The following NPAS1 variants were observed in gnomAD, a reference collection of about 807,000 sequenced individuals.
NPAS1 encodes the protein neuronal PAS domain-containing protein 1.
Under a neutral mutation model 49.2 loss-of-function variants are expected in NPAS1, and 29 were observed. The ratio of observed to expected loss-of-function variants is 0.59; its 90% CI spans 0.44 to 0.80. The LOEUF is 0.80. Ranked by LOEUF, NPAS1 falls within the 30% of genes least tolerant of loss-of-function variation. NPAS1 has a pLI of 0.00. For missense variants in NPAS1, 825 were observed against 835.5 expected (o/e 0.99, Z 0.15); for synonymous variants, 408 against 380.4 (o/e 1.07, Z -0.84).
At chr19:47,032,771 C>A in intron 5 of NPAS1, 39 bp downstream of exon 5, 2 of 1,467,716 alleles carry the variant, frequency 1.4e-6, no homozygotes, top group Non-Finnish European at 1.9e-6. Flanking sequence ...GCTCAGCCAC[C>A]ATCTCCCTTG....
chr19:47,031,328 G>T (rs2056904101), intron 3 of NPAS1, among the ~76,000 whole-genome samples: 2 of 150,762 alleles, frequency 1.3e-5, no homozygotes, highest in African/African-American at 4.9e-5. Context: ...CTCCTAAATA[G>T]CTGGAATTAC....
At chr19:47,023,826 G>T (rs116040014) in intron 3 of NPAS1, among the ~76,000 whole-genome samples, 2,536 of 152,188 alleles carry the variant, frequency 0.017, 63 homozygotes, top group African/African-American at 0.058. Context: ...AAAAATATTG[G>T]CTGGGCACGG....
At position 47,021,538 on chromosome 19, in the gene NPAS1, C is replaced by T. The variant is rs2056841063; in HGVS notation, c.123-74C>T. On this transcript the variant is annotated intron_variant, in intron 2 of 11. Transcript: ENST00000602212. The surrounding 1 kb of genome is among the most constrained non-coding windows in gnomAD (Gnocchi z 5.7). Reference sequence around the variant, plus strand: ...GTCCCGTTCCCAAGGCCCCGGGAGGCGGGGCTCGCCCCCAGTTCCCAAGCC... The same window carrying T: ...GTCCCGTTCCCAAGGCCCCGGGAGGTGGGGCTCGCCCCCAGTTCCCAAGCC... 1.9e-6 allele frequency: 2 copies of T among 1,035,182 alleles called. No individual in the cohort carries two copies. Among genetic ancestry groups the T allele is most frequent in the Non-Finnish European group, 2.7e-6 (2 of 752,398 alleles). 64.1% of individuals were successfully genotyped at this position (1,035,182 alleles called of 1,614,324 possible).
At position 47,045,745 on chromosome 19, in the gene NPAS1, C is replaced by T. The variant is rs2057073147; in HGVS notation, c.*94C>T. On this transcript the variant is annotated 3_prime_UTR_variant, in exon 12 of 12. Coordinates refer to ENST00000602212, the MANE Select transcript of NPAS1 (RefSeq NM_002517.4). ...TGCCCGTAGCCCTGAGAATTAAACG[C>T]CGGCTCTCCCTGCAGTGGTTTGGGC... The T allele has an allele frequency of 8.7e-7, 1 of 1,151,090 alleles. No individual in the cohort carries two copies. Among genetic ancestry groups the T allele is most frequent in the African/African-American group, 1.6e-5 (1 of 60,884 alleles). 71.3% of individuals were successfully genotyped at this position (1,151,090 alleles called of 1,614,324 possible).
intron 1 of NPAS1, among the ~76,000 whole-genome samples, chr19:47,020,610 G>A (rs1240948801): frequency 6.6e-6 from 1 of 151,650 alleles, no homozygotes; most frequent in Non-Finnish European, 1.5e-5. Flanking sequence ...TCGGGGCAGA[G>A]GGCTCCGGGG....
intron 8 of NPAS1, among the ~76,000 whole-genome samples, chr19:47,039,871 A>G (rs934613880): frequency 6.6e-6 from 1 of 152,058 alleles, no homozygotes; most frequent in African/African-American, 2.4e-5. Context: ...CTGGTCTTTC[A>G]TCTCTCATCC....
chr19:47,038,988 G>A (rs1285364391), intron 6 of NPAS1, 48 bp from the exon 7 acceptor site: 1 of 1,541,958 alleles, frequency 6.5e-7, no homozygotes, highest in South Asian at 1.1e-5. Flanking sequence ...GGTGGCCTGT[G>A]TGTTTCCTCT....
At chr19:47,040,163 T>C (rs920827512) in intron 8 of NPAS1, among the ~76,000 whole-genome samples, 2 of 152,076 alleles carry the variant, frequency 1.3e-5, no homozygotes, top group African/African-American at 2.4e-5. Context: ...GCTGGGATTA[T>C]AGGCGTGCAC....
At chr19:47,024,300 A>G (rs764332841) in intron 3 of NPAS1, among the ~76,000 whole-genome samples, 17 of 151,902 alleles carry the variant, frequency 1.1e-4, no homozygotes, top group Non-Finnish European at 2.2e-4. Context: ...AATAATAACA[A>G]TAATAGTAAT....
In NPAS1 at chr19:47,020,010, T is replaced by G; in HGVS notation, c.-43+13T>G. On this transcript the variant is annotated intron_variant, in intron 1 of 11. Transcript: ENST00000602212. ...GGCGGTCCTGCGGGTAGGGGAAGCT[T>G]GCGGGCTGGCAGGAGGGGGACTTCT... 1 of 298,338 alleles carries G rather than the reference T, an allele frequency of 3.4e-6. No individual in the cohort carries two copies. The allele number at this position is 298,338 out of a possible 1,614,324, so 18.5% of individuals were successfully genotyped here. A position where few individuals can be genotyped will look rare whatever the true frequency, so the allele number is the denominator to read the frequency against.
chr19:47,044,839 G>C (rs59650906), intron 11 of NPAS1, among the ~76,000 whole-genome samples: 2,630 of 152,186 alleles, frequency 0.017, 61 homozygotes, highest in African/African-American at 0.061. Flanking sequence ...AGACCAGTCT[G>C]GCCAACATGG....
In NPAS1 at chr19:47,021,570, CCCCGGGGCCCCGCCGACA is replaced by C. The variant is rs748231722; in HGVS notation, c.123-39_123-22del. On this transcript the variant is annotated intron_variant, in intron 2 of 11. Transcript: ENST00000602212. This position sits in a 1 kb window ranked among gnomAD's most constrained non-coding sequence, Gnocchi z 5.7. ...CGCCCCCAGTTCCCAAGCCCCTGAG[CCCCGGGGCCCCGCCGACA>C]CCTCCTCCGCGCCGCCCGCCCAGCC... 1 of 1,356,258 alleles carries C rather than the reference CCCCGGGGCCCCGCCGACA, an allele frequency of 7.4e-7. No individual in the cohort carries two copies. Among genetic ancestry groups the C allele is most frequent in the South Asian group, 1.5e-5 (1 of 66,158 alleles). 84.0% of individuals were successfully genotyped at this position (1,356,258 alleles called of 1,614,324 possible). A position where few individuals can be genotyped will look rare whatever the true frequency, so the allele number is the denominator to read the frequency against.
rs751775844 is a variant in NPAS1 at position 47,021,147 on chromosome 19, G to C, written c.100G>C (p.Val34Leu). The C allele has an allele frequency of 6.3e-7, 1 of 1,596,424 alleles. No individual in the cohort carries two copies. Among genetic ancestry groups the C allele is most frequent in the African/African-American group, 1.4e-5 (1 of 73,096 alleles). The change falls in exon 2 of 12, where the codon GTC becomes CTC. Residue 34 changes from valine (V) to leucine (L), a missense_variant. By Grantham distance (32) the Val-to-Leu change is conservative. Transcript: ENST00000602212. This position sits in a 1 kb window ranked among gnomAD's most constrained non-coding sequence, Gnocchi z 5.7. ...CTGGGACTTTCTACCCGGGCTGATG[G>C]TCAAGGCGCCGTCCGGACCGTGGTG... ...VPWDFLPGLMVKAPSGPCLQA... is the reference protein window; with the variant it reads ...VPWDFLPGLMLKAPSGPCLQA...
At chr19:47,020,808 G>A in intron 1 of NPAS1, 198 bp from the exon 2 acceptor site, 1 of 354,254 alleles carries the variant, frequency 2.8e-6, no homozygotes, top group Non-Finnish European at 5.0e-6. Context: ...CGGCGGCGGG[G>A]CACGTCCTCA....
chr19:47,039,213 C>G, intron 7 of NPAS1, 62 bp downstream of exon 7: 1 of 1,516,208 alleles, frequency 6.6e-7, no homozygotes. Flanking sequence ...TGAGGGTGAC[C>G]GAGGGAACCA....
At chr19:47,030,311 G>T (rs8101825) in intron 3 of NPAS1, among the ~76,000 whole-genome samples, 2 of 151,698 alleles carry the variant, frequency 1.3e-5, no homozygotes, top group African/African-American at 2.4e-5. Context: ...CATGAGCCAC[G>T]GCGCCTGGCC....
Position 47,042,803 on chromosome 19 carries a change from TC to T in NPAS1, c.1218-3del. 6.2e-7 allele frequency: 1 copy of T among 1,600,422 alleles called. No individual in the cohort carries two copies. The highest frequency in any genetic ancestry group is 8.5e-7 in the Non-Finnish European group (1 of 1,173,584). ...CTGGCTCCTAACCGCATCCATCTTC[TC>T]CCCAGCCAAGCCGAGGGTGGCCAAA... On this transcript the variant is annotated splice_region_variant and splice_polypyrimidine_tract_variant and intron_variant, in intron 10 of 11. Coordinates refer to ENST00000602212, the MANE Select transcript of NPAS1 (RefSeq NM_002517.4).
At chr19:47,045,011 C>G (rs112043295) in intron 11 of NPAS1, among the ~76,000 whole-genome samples, 180 bp from the exon 12 acceptor site, 1 of 151,556 alleles carries the variant, frequency 6.6e-6, no homozygotes, top group South Asian at 2.1e-4. Flanking sequence ...GCCTGGGGGA[C>G]AGAGCAAGAC....
chr19:47,040,571 C>T (rs1205631663), intron 9 of NPAS1, 21 bp downstream of exon 9: 1 of 1,509,750 alleles, frequency 6.6e-7, no homozygotes, highest in Non-Finnish European at 9.0e-7. Flanking sequence ...CCTCCACCCA[C>T]CAAGCCTGCC....
Sources: gnomAD v4.1 joint callset for allele counts (sites outside exome capture counted in the v4.1 genomes callset) on GRCh38, gnomAD v4.1.1 for gene constraint, Gnocchi (gnomAD v3.1) non-coding constraint, MANE v1.5 for transcripts, NCBI Gene and HGNC (gene_info 2026-07-23, HGNC 2026-07-21) for gene names.